MAGI1: variants seen among roughly 807,000 people sequenced by gnomAD.
The protein encoded by MAGI1 is membrane-associated guanylate kinase, WW and PDZ domain-containing protein 1.
In MAGI1, 58 loss-of-function variants were observed where a neutral mutation model predicts 139.9. The observed-to-expected ratio is 0.41, with a 90% CI of 0.34 to 0.52. MAGI1 has a LOEUF of 0.52. Among genes scored for constraint, MAGI1 ranks in the 20% least tolerant of loss-of-function variants. The pLI is 0.12. For synonymous variants in MAGI1, 812 were observed against 737.9 expected (o/e 1.10, Z -1.63); for missense variants, 1,874 against 1,901.6 (o/e 0.99, Z 0.27).
rs139105394 is a variant in MAGI1, at chr3:65,357,045, G to A, written c.3722C>T (p.Ser1241Leu). 6.4e-5 allele frequency: 103 copies of A among 1,613,942 alleles called. No individual in the cohort carries two copies. The highest frequency in any genetic ancestry group is 8.6e-5 in the Non-Finnish European group (101 of 1,180,014). Reference sequence around the variant, plus strand: ...ATCGGGTGGGTAACTGGACTCCAATGACGGATGCTGCCGGCGGTCGGGCCC... The same window carrying A: ...ATCGGGTGGGTAACTGGACTCCAATAACGGATGCTGCCGGCGGTCGGGCCC... ...RAGPDRRQHP[S>L]LESSYPPDLH... The change falls in exon 23 of 23, where the codon TCA (serine) becomes TTA (leucine). Residue 1241 changes from serine (S) to leucine (L), a missense_variant. This residue lies in a region of MAGI1 where 653 missense variants were observed against 644.5 expected (regional missense o/e 1.01). Coordinates refer to ENST00000402939, the MANE Select transcript of MAGI1 (RefSeq NM_001033057.2).
At chr3:65,723,210 G>A (rs1030794049) in intron 1 of MAGI1, among the ~76,000 whole-genome samples, 2 of 152,322 alleles carry the variant, frequency 1.3e-5, no homozygotes, top group East Asian at 3.9e-4. Context: ...GCAGCTAGGA[G>A]TGAAACCCCT....
At chr3:65,917,086 C>T (rs1055504312) in intron 1 of MAGI1, among the ~76,000 whole-genome samples, 3 of 152,020 alleles carry the variant, frequency 2.0e-5, no homozygotes, top group African/African-American at 7.3e-5. Context: ...TAGACATTTC[C>T]ACCTTCTTAC....
At position 65,354,384 on chromosome 3, in the gene MAGI1, T is replaced by TA. The variant is rs1940111805; in HGVS notation, c.*1993dup. On this transcript the variant is annotated 3_prime_UTR_variant, in exon 23 of 23. Transcript: ENST00000402939. The stretch of plus-strand genomic sequence containing the variant: ...TCCACACAACTACAGCTACTCATTC[T>TA]AATGTTATGTATAAACCCATAAGTC... The TA allele has an allele frequency of 1.3e-5, 2 of 152,696 alleles. No homozygotes were observed. Among genetic ancestry groups the TA allele is most frequent in the African/African-American group, 4.8e-5 (2 of 41,472 alleles). 9.5% of individuals were successfully genotyped at this position (152,696 alleles called of 1,614,324 possible). A position where few individuals can be genotyped will look rare whatever the true frequency, so the allele number is the denominator to read the frequency against.
At chr3:65,962,241 C>T (rs1306291869) in intron 1 of MAGI1, among the ~76,000 whole-genome samples, 2 of 151,282 alleles carry the variant, frequency 1.3e-5, no homozygotes, top group Non-Finnish European at 2.9e-5. Context: ...TACTCAGCCT[C>T]CTGAGTAGCT....
chr3:66,009,717 C>T (rs769867140), intron 1 of MAGI1, among the ~76,000 whole-genome samples: 1 of 152,062 alleles, frequency 6.6e-6, no homozygotes, highest in Admixed American at 6.5e-5. Flanking sequence ...TATATCTTTA[C>T]ACAGCACTGT....
intron 1 of MAGI1, among the ~76,000 whole-genome samples, chr3:65,777,476 T>G (rs543787610): frequency 6.6e-6 from 1 of 152,168 alleles, no homozygotes; most frequent in African/African-American, 2.4e-5. Flanking sequence ...CAAATGGACT[T>G]GAAAACCGTG....
chr3:65,386,937 C>T (rs1252213307), intron 14 of MAGI1, among the ~76,000 whole-genome samples: 2 of 152,144 alleles, frequency 1.3e-5, no homozygotes, highest in African/African-American at 4.8e-5. Flanking sequence ...AACACATTTC[C>T]AGACTTGACA....
chr3:65,840,865 A>G (rs2058779789), intron 1 of MAGI1, among the ~76,000 whole-genome samples: 11 of 152,178 alleles, frequency 7.2e-5, no homozygotes, highest in Admixed American at 6.5e-4. Flanking sequence ...TACAGTTGCT[A>G]TTAATTCTTT....
intron 1 of MAGI1, among the ~76,000 whole-genome samples, chr3:65,779,025 A>G (rs1304488263): frequency 6.6e-6 from 1 of 152,224 alleles, no homozygotes; most frequent in Admixed American, 6.5e-5. Context: ...CAAACCCCAG[A>G]CAATGAATTA....
intron 4 of MAGI1, among the ~76,000 whole-genome samples, chr3:65,475,312 C>T (rs1357379757): frequency 6.6e-6 from 1 of 152,128 alleles, no homozygotes; most frequent in Non-Finnish European, 1.5e-5. Context: ...CTCCGGGGTT[C>T]AAGTGATTCT....
intron 1 of MAGI1, among the ~76,000 whole-genome samples, chr3:65,842,451 C>G (rs947783329): frequency 6.6e-6 from 1 of 151,962 alleles, no homozygotes; most frequent in Non-Finnish European, 1.5e-5. Flanking sequence ...ACCTCCGCCT[C>G]CCAGGTTCAA....
chr3:65,750,565 A>C (rs139950519), intron 1 of MAGI1, among the ~76,000 whole-genome samples: 1 of 152,350 alleles, frequency 6.6e-6, no homozygotes, highest in African/African-American at 2.4e-5. Flanking sequence ...GTAATTAGTG[A>C]CTATGGGAAT....
At chr3:65,393,358 G>GA (rs1485138477) in intron 13 of MAGI1, among the ~76,000 whole-genome samples, 1 of 152,038 alleles carries the variant, frequency 6.6e-6, no homozygotes, top group African/African-American at 2.4e-5. Flanking sequence ...ACAACACATA[G>GA]AAAAAATGGG....
At chr3:65,939,317 T>C (rs1402785110) in intron 1 of MAGI1, among the ~76,000 whole-genome samples, 4 of 152,182 alleles carry the variant, frequency 2.6e-5, no homozygotes, top group Non-Finnish European at 5.9e-5. Flanking sequence ...TAGTCCTCAT[T>C]ATTAAAAAAT....
chr3:65,620,072 T>C (rs1359553713), intron 2 of MAGI1: 4 of 828,952 alleles, frequency 4.8e-6, no homozygotes, highest in Non-Finnish European at 5.8e-6. Flanking sequence ...AATAAATCAG[T>C]GGAAAAAATA....
intron 1 of MAGI1, chr3:65,874,271 C>CTCTG (rs1449165414): frequency 6.6e-6 from 1 of 152,114 alleles, no homozygotes; most frequent in East Asian, 1.9e-4. Flanking sequence ...GGGAGGTAAA[C>CTCTG]TCTGTCTCAA....
chr3:65,974,892 C>T (rs1476519314), intron 1 of MAGI1, among the ~76,000 whole-genome samples: 2 of 152,048 alleles, frequency 1.3e-5, no homozygotes, highest in East Asian at 3.9e-4. Context: ...ACAGACTGCA[C>T]GAAGGTGTAA....
chr3:65,833,424 C>G (rs17073933), intron 1 of MAGI1, among the ~76,000 whole-genome samples: 9,241 of 152,188 alleles, frequency 0.061, 445 homozygotes, highest in South Asian at 0.22. Flanking sequence ...TGGCCTAGGT[C>G]TACTGAACTT....
rs113132245 is a variant in MAGI1 at position 65,839,436 on chromosome 3, T to G, written c.313+198560A>C. ...TTTTTTAATTGACTGTAAAACAGCCTCAAGCAGGTCCTTCAGGAAGCATTC... is the reference window on the plus strand; with the variant it reads ...TTTTTTAATTGACTGTAAAACAGCCGCAAGCAGGTCCTTCAGGAAGCATTC... On this transcript the variant is annotated intron_variant, in intron 1 of 22. Transcript: ENST00000402939. Among the ~76,000 whole-genome samples, 508 of 152,160 alleles carry G rather than the reference T, an allele frequency of 3.3e-3. 1 individual carries two copies. Among genetic ancestry groups the G allele is most frequent in the African/African-American group, 0.012 (484 of 41,512 alleles).
Sources: gnomAD v4.1 joint callset for allele counts (sites outside exome capture counted in the v4.1 genomes callset) on GRCh38, gnomAD v4.1.1 for gene constraint, gnomAD v4.1.1 regional missense constraint, MANE v1.5 for transcripts, NCBI Gene and HGNC (gene_info 2026-07-23, HGNC 2026-07-21) for gene names.